IGDCC3: variants seen among roughly 807,000 people sequenced by gnomAD.
IGDCC3 encodes the protein immunoglobulin superfamily DCC subclass member 3, also known as putative neuronal cell adhesion molecule.
Under a neutral mutation model 72.0 loss-of-function variants are expected in IGDCC3, and 47 were observed. That is an observed-to-expected ratio of 0.65 (90% confidence interval 0.52 to 0.83). The LOEUF (loss-of-function observed/expected upper bound fraction) is 0.83, where lower values mean the gene tolerates loss of function less well. Ranked by LOEUF, IGDCC3 falls within the 40% of genes least tolerant of loss-of-function variation. The pLI, the probability that IGDCC3 is intolerant of heterozygous loss-of-function variation, is 0.00. For synonymous variants in IGDCC3, 477 were observed against 472.8 expected, an observed-to-expected ratio of 1.01 and a Z score of -0.11; for missense variants, 1,038 against 1,091.3, an observed-to-expected ratio of 0.95 and a Z score of 0.69.
At chr15:65,366,894 A>G (rs1024408330) in intron 2 of IGDCC3, among the ~76,000 whole-genome samples, 2 of 152,192 alleles carry the variant, frequency 1.3e-5, no homozygotes, top group Non-Finnish European at 2.9e-5. Flanking sequence ...GAGGGCAGCC[A>G]CAGAGGCATT....
chr15:65,337,169 C>A (rs943648311), intron 2 of IGDCC3, among the ~76,000 whole-genome samples: 1 of 152,234 alleles, frequency 6.6e-6, no homozygotes, highest in African/African-American at 2.4e-5. Context: ...AAAAGGCGAG[C>A]CTTTGTGCCC....
rs1000204136 is a variant in IGDCC3, at chr15:65,377,909, G to A, written c.-121C>T. On this transcript the variant is annotated 5_prime_UTR_variant, in exon 1 of 14. Coordinates refer to ENST00000327987, the MANE Select transcript of IGDCC3 (RefSeq NM_004884.4). This position sits in a 1 kb window ranked among gnomAD's most constrained non-coding sequence, Gnocchi z 4.9. ...GCTCCGGCCGGGGCCGAGCCCAGGC[G>A]GTGGGGGACTGGGGCCGCATGCCTG... 52 of 933,676 alleles carry A rather than the reference G, an allele frequency of 5.6e-5. No homozygotes were observed. In the East Asian group the frequency reaches 2.5e-3, roughly 45 times the overall value. The allele number at this position is 933,676 out of a possible 1,614,324, so 57.8% of individuals were successfully genotyped here.
At chr15:65,373,934 A>C (rs2091342584) in intron 2 of IGDCC3, 1 of 152,226 alleles carries the variant, frequency 6.6e-6, no homozygotes, top group Admixed American at 6.5e-5. Context: ...CAAGAGTTCG[A>C]GACCAGCCCG....
chr15:65,330,443 G>A lies in IGDCC3; in HGVS notation c.1754-46C>T, dbSNP rs377228713. Reference sequence around the variant, plus strand: ...TGAGCAACTGCCCCTGCCCAACCACGTGCCCTGTCCTAGCCAGGAAAGGGA... The same window carrying A: ...TGAGCAACTGCCCCTGCCCAACCACATGCCCTGTCCTAGCCAGGAAAGGGA... On this transcript the variant is annotated intron_variant, in intron 10 of 13. Coordinates refer to ENST00000327987, the MANE Select transcript of IGDCC3 (RefSeq NM_004884.4). 1.6e-5 allele frequency: 25 copies of A among 1,580,486 alleles called. No individual in the cohort carries two copies. In the East Asian group the frequency reaches 3.4e-4, roughly 21 times the overall value.
intron 2 of IGDCC3, among the ~76,000 whole-genome samples, chr15:65,370,622 A>G (rs879282039): frequency 1.6e-3 from 130 of 81,674 alleles, no homozygotes; most frequent in African/African-American, 3.8e-3. Flanking sequence ...ATGTATGTGT[A>G]TATATATATA....
intron 4 of IGDCC3, 110 bp downstream of exon 4, chr15:65,335,181 G>A (rs991545176): frequency 9.1e-6 from 11 of 1,202,562 alleles, no homozygotes; most frequent in East Asian, 7.1e-5. Flanking sequence ...CACTCTGCAC[G>A]CACGTGGCTG....
At position 65,331,186 on chromosome 15, in the gene IGDCC3, TG is replaced by T; in HGVS notation, c.1424del (p.Ala475GlufsTer40). On this transcript the variant is annotated frameshift_variant, in exon 9 of 14. Coordinates refer to ENST00000327987, the MANE Select transcript of IGDCC3 (RefSeq NM_004884.4). LOFTEE classifies it high-confidence loss of function. ...ADPPELEYQE[A>X]VSKSTFQHLV... ...GGTGCTGAAAGGTGCTCTTGCTGACTGCCTCCTGATACTCCAGCTCCGGTGG... is the reference window on the plus strand; with the variant it reads ...GGTGCTGAAAGGTGCTCTTGCTGACTCCTCCTGATACTCCAGCTCCGGTGG... 6.2e-7 allele frequency: 1 copy of T among 1,614,048 alleles called. No homozygotes were observed.
chr15:65,335,443 T>C (rs773943464), intron 3 of IGDCC3, 22 bp from the exon 4 acceptor site: 31 of 1,594,866 alleles, frequency 1.9e-5, no homozygotes, highest in East Asian at 1.1e-4. Context: ...AGGGACATAG[T>C]TGGCCACCAG....
chr15:65,362,086 TAAAA>T (rs1304050630), intron 2 of IGDCC3, among the ~76,000 whole-genome samples: 4 of 141,638 alleles, frequency 2.8e-5, no homozygotes, highest in Non-Finnish European at 6.2e-5. Flanking sequence ...ATCCTGACAT[TAAAA>T]AAAAAAAAGA....
In IGDCC3 at chr15:65,329,436, A is replaced by G; in HGVS notation, c.2159T>C (p.Leu720Pro). 1.9e-6 allele frequency: 3 copies of G among 1,607,066 alleles called. No individual in the cohort carries two copies. The highest frequency in any genetic ancestry group is 2.5e-6 in the Non-Finnish European group (3 of 1,177,460). Reference sequence around the variant, plus strand: ...CCCTGCTGCGCTGGCCGGGGGGAACAGCTGCTCCAGCTCCTTCATATCCAC... The same window carrying G: ...CCCTGCTGCGCTGGCCGGGGGGAACGGCTGCTCCAGCTCCTTCATATCCAC... ...KRVDMKELEQ[L>P]FPPASAAGQP... The change falls in exon 13 of 14, where the codon CTG becomes CCG. Residue 720 changes from leucine to proline, a missense_variant. Coordinates refer to ENST00000327987, the MANE Select transcript of IGDCC3 (RefSeq NM_004884.4). The surrounding 1 kb of genome is among the most constrained non-coding windows in gnomAD (Gnocchi z 4.1).
intron 6 of IGDCC3, among the ~76,000 whole-genome samples, chr15:65,332,727 G>C (rs1245692874): frequency 6.6e-6 from 1 of 152,236 alleles, no homozygotes; most frequent in African/African-American, 2.4e-5. Context: ...TCCAAGCCCA[G>C]TGCATGGGGA....
intron 2 of IGDCC3, among the ~76,000 whole-genome samples, chr15:65,369,586 G>A (rs1358326890): frequency 3.3e-5 from 5 of 152,166 alleles, no homozygotes; most frequent in Non-Finnish European, 7.4e-5. Context: ...CTGTCCTAAT[G>A]GACAGGCAGA....
At chr15:65,355,880 C>A in intron 2 of IGDCC3, 1 of 327,894 alleles carries the variant, frequency 3.0e-6, no homozygotes. Context: ...GCCTCGGATT[C>A]CCCAGCTGGG....
chr15:65,367,346 C>CAAAAAAAAAAA (rs10609381), intron 2 of IGDCC3, among the ~76,000 whole-genome samples: 18 of 74,336 alleles, frequency 2.4e-4, no homozygotes, highest in Middle Eastern at 7.7e-3. Flanking sequence ...GACTTTGTCT[C>CAAAAAAAAAAA]AAAAAAAAAA....
intron 2 of IGDCC3, among the ~76,000 whole-genome samples, chr15:65,338,994 T>C (rs1445838102): frequency 6.6e-6 from 1 of 152,110 alleles, no homozygotes; most frequent in Non-Finnish European, 1.5e-5. Context: ...CCTTGACCTC[T>C]CAGGCTCAGG....
At chr15:65,365,527 G>A (rs1397828797) in intron 2 of IGDCC3, among the ~76,000 whole-genome samples, 2 of 152,128 alleles carry the variant, frequency 1.3e-5, no homozygotes, top group Non-Finnish European at 2.9e-5. Flanking sequence ...TCCAGGCTCA[G>A]AGACAGGCCC....
At chr15:65,363,013 C>T (rs1000953230) in intron 2 of IGDCC3, among the ~76,000 whole-genome samples, 25 of 151,896 alleles carry the variant, frequency 1.6e-4, no homozygotes, top group African/African-American at 6.0e-4. Context: ...TGCCAAGCCA[C>T]CACACCCGGC....
At chr15:65,334,159 C>T (rs2091004632) in intron 5 of IGDCC3, among the ~76,000 whole-genome samples, 2 of 152,168 alleles carry the variant, frequency 1.3e-5, no homozygotes, top group Non-Finnish European at 1.5e-5. Context: ...GGTGCCCCAC[C>T]CCACCCCCTC....
chr15:65,330,952 C>G (rs1389972399), intron 9 of IGDCC3, 98 bp downstream of exon 9: 2 of 1,430,332 alleles, frequency 1.4e-6, no homozygotes, highest in African/African-American at 2.8e-5. Context: ...GGGCCGGGCA[C>G]CCTGCACAGC....
Sources: gnomAD v4.1 joint callset for allele counts (sites outside exome capture counted in the v4.1 genomes callset) on GRCh38, gnomAD v4.1.1 for gene constraint, Gnocchi (gnomAD v3.1) non-coding constraint, MANE v1.5 for transcripts, NCBI Gene and HGNC (gene_info 2026-07-23, HGNC 2026-07-21) for gene names.